The following HCN1 variants were observed in gnomAD, a reference collection of about 807,000 sequenced individuals.
HCN1 encodes the protein hyperpolarization activated cyclic nucleotide gated potassium channel 1.
In HCN1, 13 loss-of-function variants were observed where a neutral mutation model predicts 78.9. The observed-to-expected ratio is 0.16, with a 90% CI of 0.11 to 0.26. The LOEUF is 0.26. Among genes scored for constraint, HCN1 ranks in the 10% least tolerant of loss-of-function variants. The pLI, the probability that HCN1 is intolerant of heterozygous loss-of-function variation, is 1.00. For synonymous variants in HCN1, 552 were observed against 455.5 expected, an observed-to-expected ratio of 1.21 and a Z score of -2.70; for missense variants, 810 against 1,154.3, an observed-to-expected ratio of 0.70 and a Z score of 4.32.
chr5:45,608,071 A>C (rs1744758439), intron 2 of HCN1, among the ~76,000 whole-genome samples: 1 of 151,986 alleles, frequency 6.6e-6, no homozygotes, highest in Non-Finnish European at 1.5e-5. Flanking sequence ...GCATTTCTAC[A>C]TACAAGCAAC....
At chr5:45,494,171 G>A (rs1172582985) in intron 2 of HCN1, among the ~76,000 whole-genome samples, 1 of 152,028 alleles carries the variant, frequency 6.6e-6, no homozygotes, top group Non-Finnish European at 1.5e-5. Flanking sequence ...CTGAGGAATC[G>A]CCACACTGAC....
chr5:45,369,734 G>A (rs1403311917), intron 4 of HCN1, among the ~76,000 whole-genome samples: 1 of 152,082 alleles, frequency 6.6e-6, no homozygotes, highest in Non-Finnish European at 1.5e-5. Flanking sequence ...TCCAGTGCAT[G>A]TATCTAAATA....
chr5:45,398,037 A>T (rs1479116292), intron 3 of HCN1, among the ~76,000 whole-genome samples: 1 of 151,802 alleles, frequency 6.6e-6, no homozygotes, highest in East Asian at 1.9e-4. Context: ...AAATGTTATT[A>T]AACCTATTAG....
At chr5:45,681,212 C>T (rs1039629011) in intron 1 of HCN1, among the ~76,000 whole-genome samples, 3 of 152,132 alleles carry the variant, frequency 2.0e-5, no homozygotes, top group Non-Finnish European at 4.4e-5. Context: ...TCCTCCAACA[C>T]ATAGCGCAAA....
At chr5:45,340,449 A>G (rs1746552685) in intron 5 of HCN1, among the ~76,000 whole-genome samples, 1 of 152,002 alleles carries the variant, frequency 6.6e-6, no homozygotes, top group Non-Finnish European at 1.5e-5. Context: ...GCTTCAATTT[A>G]TCTTGTCTTT....
chr5:45,541,335 A>G (rs1743102506), intron 2 of HCN1, among the ~76,000 whole-genome samples: 1 of 152,184 alleles, frequency 6.6e-6, no homozygotes, highest in African/African-American at 2.4e-5. Flanking sequence ...GTTATCCTGA[A>G]CATGACTTGC....
intron 2 of HCN1, among the ~76,000 whole-genome samples, chr5:45,504,862 AT>A (rs1368152804): frequency 9.9e-5 from 15 of 152,068 alleles, no homozygotes; most frequent in African/African-American, 3.6e-4. Context: ...GATGATAAGC[AT>A]TTTTTCATGT....
intron 3 of HCN1, among the ~76,000 whole-genome samples, chr5:45,418,023 A>G (rs1463541831): frequency 6.6e-6 from 1 of 151,978 alleles, no homozygotes; most frequent in African/African-American, 2.4e-5. Context: ...AATGGCATAA[A>G]GAATTCACTG....
chr5:45,477,375 A>G (rs894373017), intron 2 of HCN1, among the ~76,000 whole-genome samples: 1 of 152,160 alleles, frequency 6.6e-6, no homozygotes, highest in African/African-American at 2.4e-5. Context: ...AAATATCACA[A>G]ACTAAAGTAC....
intron 2 of HCN1, chr5:45,643,239 C>T (rs1580013937): frequency 6.6e-6 from 1 of 152,156 alleles, no homozygotes; most frequent in South Asian, 2.1e-4. Context: ...CATGGCCTGC[C>T]ATTTTATCTG....
At chr5:45,423,944 T>A (rs771617007) in intron 3 of HCN1, among the ~76,000 whole-genome samples, 2 of 151,996 alleles carry the variant, frequency 1.3e-5, no homozygotes, top group African/African-American at 4.8e-5. Flanking sequence ...TTGCTTAAAG[T>A]GCTCCATAAA....
chr5:45,269,856 T>G (rs1744927669), intron 6 of HCN1, among the ~76,000 whole-genome samples: 1 of 152,206 alleles, frequency 6.6e-6, no homozygotes, highest in Admixed American at 6.5e-5. Context: ...TGTTTAGTAT[T>G]CTTCCAGGAT....
chr5:45,506,209 C>G (rs961510758), intron 2 of HCN1, among the ~76,000 whole-genome samples: 3 of 151,790 alleles, frequency 2.0e-5, no homozygotes, highest in Admixed American at 6.6e-5. Flanking sequence ...TGTTTAAGAC[C>G]CAAGAAACAT....
intron 2 of HCN1, among the ~76,000 whole-genome samples, chr5:45,478,497 G>T (rs1741572503): frequency 6.6e-6 from 1 of 152,084 alleles, no homozygotes; most frequent in African/African-American, 2.4e-5. Flanking sequence ...ATACAAAATG[G>T]GATTATCAGT....
rs550099322 is a variant in HCN1 at position 45,692,846 on chromosome 5, T to C, written c.425+2823A>G. 2.0e-5 allele frequency among the ~76,000 whole-genome samples: 3 copies of C among 152,274 alleles called. No homozygotes were observed. In the South Asian group the frequency reaches 6.2e-4, roughly 32 times the overall value. The stretch of plus-strand genomic sequence containing the variant: ...TAGAAACAGTGTTAAAGTCACGACA[T>C]GCCCTGGAGTAAGAACATAGTAAAC... On this transcript the variant is annotated intron_variant, in intron 1 of 7. Transcript: ENST00000303230.
chr5:45,567,572 C>G (rs975687361), intron 2 of HCN1, among the ~76,000 whole-genome samples: 2 of 150,468 alleles, frequency 1.3e-5, no homozygotes, highest in Admixed American at 6.6e-5. Flanking sequence ...CACACACACA[C>G]ACACACACAC....
intron 3 of HCN1, among the ~76,000 whole-genome samples, chr5:45,434,132 G>A (rs1740518436): frequency 6.6e-6 from 1 of 152,202 alleles, no homozygotes; most frequent in South Asian, 2.1e-4. Flanking sequence ...CCTCTAGGGA[G>A]AGTACAATAA....
At chr5:45,376,780 C>T (rs1347401967) in intron 4 of HCN1, among the ~76,000 whole-genome samples, 3 of 151,744 alleles carry the variant, frequency 2.0e-5, no homozygotes, top group African/African-American at 7.3e-5. Context: ...GTATTTTATA[C>T]ATAGAACACA....
intron 5 of HCN1, among the ~76,000 whole-genome samples, chr5:45,335,726 C>T (rs1017396166): frequency 1.3e-5 from 2 of 152,090 alleles, no homozygotes; most frequent in Admixed American, 6.6e-5. Flanking sequence ...TGTGTACTTA[C>T]TATGTGCCAG....
Sources: gnomAD v4.1 joint callset for allele counts (sites outside exome capture counted in the v4.1 genomes callset) on GRCh38, gnomAD v4.1.1 for gene constraint, MANE v1.5 for transcripts, NCBI Gene and HGNC (gene_info 2026-07-23, HGNC 2026-07-21) for gene names.